ARHGAP28: variants seen among roughly 807,000 people sequenced by gnomAD.
The protein encoded by ARHGAP28 is rho GTPase-activating protein 28.
Under a neutral mutation model 90.7 loss-of-function variants are expected in ARHGAP28, and 56 were observed. The ratio of observed to expected loss-of-function variants is 0.62; its 90% CI spans 0.50 to 0.77. ARHGAP28 has a LOEUF of 0.77. ARHGAP28 is among the 30% of genes least tolerant of loss of function. The pLI is 0.00. For missense variants in ARHGAP28, 869 were observed against 900.9 expected (o/e 0.96, Z 0.45); for synonymous variants, 308 against 323.3 (o/e 0.95, Z 0.51).
intron 1 of ARHGAP28, among the ~76,000 whole-genome samples, chr18:6,773,839 C>T (rs1195191974): frequency 6.6e-6 from 1 of 152,202 alleles, no homozygotes; most frequent in African/African-American, 2.4e-5. Context: ...TGTCCTCACA[C>T]ACTGCTTGGG....
In ARHGAP28 at chr18:6,868,208, G is replaced by A. The variant is rs560014794; in HGVS notation, c.785G>A (p.Gly262Glu). ...PVHSNGSPEPGQPVQNAISDD... is the reference protein window; with the variant it reads ...PVHSNGSPEPEQPVQNAISDD... ...CATTCCAATGGATCACCGGAGCCTGGACAGCCAGTTCAGAATGCGATAAGT... is the reference window on the plus strand; with the variant it reads ...CATTCCAATGGATCACCGGAGCCTGAACAGCCAGTTCAGAATGCGATAAGT... Residue 262 changes from glycine to glutamate, a missense_variant, in exon 6 of 18, where the codon GGA becomes GAA. Transcript: ENST00000383472. The A allele has an allele frequency of 6.2e-6, 10 of 1,614,130 alleles. No homozygotes were observed. Among genetic ancestry groups the A allele is most frequent in the South Asian group, 2.2e-5 (2 of 91,070 alleles).
At chr18:6,763,579 A>G (rs932097668) in intron 1 of ARHGAP28, among the ~76,000 whole-genome samples, 7 of 152,202 alleles carry the variant, frequency 4.6e-5, no homozygotes, top group Non-Finnish European at 8.8e-5. Flanking sequence ...ACTTTACTGC[A>G]GACACTTGTT....
At chr18:6,812,443 A>G (rs527883491) in intron 1 of ARHGAP28, among the ~76,000 whole-genome samples, 2 of 152,302 alleles carry the variant, frequency 1.3e-5, no homozygotes, top group African/African-American at 4.8e-5. Flanking sequence ...GGCTATCATG[A>G]TGAATGCTGG....
At chr18:6,739,714 G>T (rs145823162) in intron 1 of ARHGAP28, among the ~76,000 whole-genome samples, 4 of 143,166 alleles carry the variant, frequency 2.8e-5, no homozygotes, top group Admixed American at 7.1e-5. Context: ...TTAATCTTTA[G>T]GTTTATGTTC....
intron 14 of ARHGAP28, among the ~76,000 whole-genome samples, chr18:6,893,039 C>T (rs1413381731): frequency 3.3e-5 from 5 of 152,220 alleles, no homozygotes; most frequent in Non-Finnish European, 7.3e-5. Flanking sequence ...ATCTCAGTCT[C>T]CAGCCTTGCC....
chr18:6,797,522 T>C (rs923810842), intron 1 of ARHGAP28, among the ~76,000 whole-genome samples: 2 of 152,206 alleles, frequency 1.3e-5, no homozygotes, highest in African/African-American at 4.8e-5. Flanking sequence ...CGGTCTTCTG[T>C]TTCCTTTTGT....
intron 2 of ARHGAP28, among the ~76,000 whole-genome samples, chr18:6,825,608 A>G (rs1389133385): frequency 6.6e-6 from 1 of 150,936 alleles, no homozygotes; most frequent in Non-Finnish European, 1.5e-5. Flanking sequence ...CTCTTTCCCT[A>G]CCTCCCCCCT....
At chr18:6,842,448 C>G (rs1240346132) in intron 3 of ARHGAP28, among the ~76,000 whole-genome samples, 1 of 152,164 alleles carries the variant, frequency 6.6e-6, no homozygotes, top group African/African-American at 2.4e-5. Flanking sequence ...GTCATTATAG[C>G]TAGCATCTGT....
intron 14 of ARHGAP28, among the ~76,000 whole-genome samples, chr18:6,891,767 A>AC (rs894940412): frequency 1.6e-4 from 24 of 151,846 alleles, no homozygotes; most frequent in African/African-American, 5.6e-4. Flanking sequence ...TTTTAAAAAA[A>AC]ATTTTGTAGA....
chr18:6,764,821 G>A (rs994891083), intron 1 of ARHGAP28, among the ~76,000 whole-genome samples: 5 of 152,172 alleles, frequency 3.3e-5, no homozygotes, highest in African/African-American at 1.2e-4. Flanking sequence ...GCTAAAAAAC[G>A]CTAATGTTAG....
At chr18:6,860,434 G>A (rs1461841642) in intron 5 of ARHGAP28, among the ~76,000 whole-genome samples, 1 of 151,904 alleles carries the variant, frequency 6.6e-6, no homozygotes, top group Non-Finnish European at 1.5e-5. Context: ...TCCCCCTCCC[G>A]TCACCCCCAC....
At position 6,891,891 on chromosome 18, in the gene ARHGAP28, T is replaced by C. The variant is rs138212887; in HGVS notation, c.1848+1348T>C. On this transcript the variant is annotated intron_variant, in intron 14 of 17. Coordinates refer to ENST00000383472, the MANE Select transcript of ARHGAP28 (RefSeq NM_001366230.1). ...TACAGATGTGAGCCACTGTGCCTGG[T>C]TGGAGTTGTATCTTGAAGGATGGAT... is the stretch of plus-strand genomic sequence containing the variant. Among the ~76,000 whole-genome samples, 614 of 151,792 alleles carry C rather than the reference T, an allele frequency of 4.0e-3. 5 individuals are homozygous for C. The highest frequency in any genetic ancestry group is 0.014 in the African/African-American group (581 of 41,404).
chr18:6,873,763 G>C lies in ARHGAP28; in HGVS notation c.1200G>C (p.Leu400=), dbSNP rs2057108862. ...RKKDPGVKVP[L]VLQKFFEKVE... ...AAGACCCTGGAGTGAAAGTTCCCCT[G>C]GTATTACAAAAAGTGAGTAGCAGGC... The change falls in exon 9 of 18, where the codon CTG becomes CTC. Residue 400 remains leucine, a synonymous_variant. Transcript: ENST00000383472. The C allele has an allele frequency of 6.2e-7, 1 of 1,613,356 alleles. No individual in the cohort carries two copies. The highest frequency in any genetic ancestry group is 1.7e-5 in the Admixed American group (1 of 59,950).
At chr18:6,850,989 G>A (rs1381849815) in intron 3 of ARHGAP28, 45 bp from the exon 4 acceptor site, 1 of 1,603,798 alleles carries the variant, frequency 6.2e-7, no homozygotes, top group Non-Finnish European at 8.5e-7. Flanking sequence ...AGTCATATTT[G>A]GAAAGATATG....
intron 2 of ARHGAP28, among the ~76,000 whole-genome samples, chr18:6,831,429 G>T (rs2056713837): frequency 7.3e-6 from 1 of 137,336 alleles, no homozygotes. Context: ...TCTGTTGTTT[G>T]TTGCTGGCAT....
Position 6,729,762 on chromosome 18 carries a change from C to G in ARHGAP28, c.-60C>G. The G allele has an allele frequency of 7.7e-7, 1 of 1,294,734 alleles. No homozygotes were observed. The highest frequency in any genetic ancestry group is 9.8e-7 in the Non-Finnish European group (1 of 1,021,876). The allele number at this position is 1,294,734 out of a possible 1,614,324, so 80.2% of individuals were successfully genotyped here. A position where few individuals can be genotyped will look rare whatever the true frequency, so the allele number is the denominator to read the frequency against. On this transcript the variant is annotated 5_prime_UTR_variant, in exon 1 of 18. Transcript: ENST00000383472. ...AGCTGCTGACAGCCTCCCGGCGCGC[C>G]GGTCCATGCTGGTCCCGGTCTTTGT...
intron 3 of ARHGAP28, among the ~76,000 whole-genome samples, chr18:6,841,164 T>TC (rs1253671191): frequency 1.2e-4 from 12 of 100,412 alleles, no homozygotes; most frequent in Admixed American, 3.1e-4. Context: ...TCTTTCTCTC[T>TC]CTCCTCTCTC....
chr18:6,770,693 A>G (rs941953229), intron 1 of ARHGAP28, among the ~76,000 whole-genome samples: 6 of 152,098 alleles, frequency 3.9e-5, no homozygotes, highest in Non-Finnish European at 8.8e-5. Flanking sequence ...AAAAATCGAT[A>G]TCAGACTTCT....
chr18:6,805,390 G>A (rs1482928971), intron 1 of ARHGAP28, among the ~76,000 whole-genome samples: 1 of 151,490 alleles, frequency 6.6e-6, no homozygotes, highest in East Asian at 1.9e-4. Flanking sequence ...GTTTTAGCAT[G>A]GCATGGTTTT....
Sources: gnomAD v4.1 joint callset for allele counts (sites outside exome capture counted in the v4.1 genomes callset) on GRCh38, gnomAD v4.1.1 for gene constraint, MANE v1.5 for transcripts, NCBI Gene and HGNC (gene_info 2026-07-23, HGNC 2026-07-21) for gene names.